The following RORA variants were observed in gnomAD, a reference collection of about 807,000 sequenced individuals.
The protein encoded by RORA is RAR related orphan receptor A.
In RORA, 7 loss-of-function variants were observed where a neutral mutation model predicts 69.5. The observed-to-expected ratio is 0.10, with a 90% CI of 0.06 to 0.19. The LOEUF is 0.19. RORA is among the 10% of genes least tolerant of loss of function. The pLI is 1.00. For synonymous variants in RORA, 261 were observed against 240.8 expected, an observed-to-expected ratio of 1.08 and a Z score of -0.78; for missense variants, 457 against 663.0, an observed-to-expected ratio of 0.69 and a Z score of 3.41.
intron 1 of RORA, among the ~76,000 whole-genome samples, chr15:61,181,680 C>CAAAAAAAAAAA (rs749054081): frequency 3.5e-5 from 2 of 57,764 alleles, no homozygotes; most frequent in Non-Finnish European, 7.3e-5. Context: ...TTAGCTTTGG[C>CAAAAAAAAAAA]AAAAAAAAAA....
intron 1 of RORA, among the ~76,000 whole-genome samples, chr15:60,737,910 T>C (rs922249312): frequency 6.6e-6 from 1 of 152,240 alleles, no homozygotes; most frequent in Non-Finnish European, 1.5e-5. Flanking sequence ...GTGACAGCCG[T>C]CCACTTTTAT....
intron 1 of RORA, among the ~76,000 whole-genome samples, chr15:60,819,881 G>A (rs1039636101): frequency 6.6e-6 from 1 of 152,132 alleles, no homozygotes; most frequent in African/African-American, 2.4e-5. Context: ...AGGCAAGAGG[G>A]AGGCTCCTTA....
intron 1 of RORA, among the ~76,000 whole-genome samples, chr15:61,196,615 CAGTT>C (rs959521311): frequency 1.2e-4 from 19 of 152,372 alleles, no homozygotes; most frequent in African/African-American, 3.8e-4. Flanking sequence ...CACTACGACT[CAGTT>C]AGCCATAATA....
Position 60,494,652 on chromosome 15 carries a change from T to C in RORA, c.*2803A>G, listed in dbSNP as rs899480339. The stretch of plus-strand genomic sequence containing the variant: ...CAAATAGTAGTCAGTTGTTTCCTTG[T>C]TTCATGGAGCATGTCTCTGTCTACA... On this transcript the variant is annotated 3_prime_UTR_variant, in exon 11 of 11. Coordinates refer to ENST00000335670, the MANE Select transcript of RORA (RefSeq NM_134261.3). The C allele has an allele frequency of 6.6e-6, 1 of 152,244 alleles. No individual in the cohort carries two copies. The highest frequency in any genetic ancestry group is 2.4e-5 in the African/African-American group (1 of 41,470). The allele number at this position is 152,244 out of a possible 1,614,324, so 9.4% of individuals were successfully genotyped here. A position where few individuals can be genotyped will look rare whatever the true frequency, so the allele number is the denominator to read the frequency against.
intron 1 of RORA, among the ~76,000 whole-genome samples, chr15:60,968,555 G>A (rs1047477879): frequency 6.6e-6 from 1 of 152,178 alleles, no homozygotes; most frequent in African/African-American, 2.4e-5. Flanking sequence ...CTCCTCTCTG[G>A]AGTTTGTGAT....
At chr15:60,833,870 C>T (rs1035845006) in intron 1 of RORA, among the ~76,000 whole-genome samples, 5 of 152,154 alleles carry the variant, frequency 3.3e-5, no homozygotes, top group African/African-American at 1.2e-4. Context: ...CCTTGGATGT[C>T]AGTTTCCTCA....
chr15:60,750,299 G>A (rs2071705601), intron 1 of RORA, among the ~76,000 whole-genome samples: 1 of 152,230 alleles, frequency 6.6e-6, no homozygotes, highest in Non-Finnish European at 1.5e-5. Context: ...CATGCCACTG[G>A]TCTCCTCAAT....
chr15:60,684,256 T>C (rs2070703534), intron 1 of RORA, among the ~76,000 whole-genome samples: 1 of 144,598 alleles, frequency 6.9e-6, no homozygotes, highest in South Asian at 2.2e-4. Flanking sequence ...TTGTCCTCTT[T>C]TGCAACGAGA....
chr15:60,902,323 A>C (rs923188860), intron 1 of RORA, among the ~76,000 whole-genome samples: 5 of 152,038 alleles, frequency 3.3e-5, no homozygotes, highest in African/African-American at 7.2e-5. Context: ...AAAGCTTACC[A>C]GGTGATCCTT....
intron 1 of RORA, among the ~76,000 whole-genome samples, chr15:61,113,054 C>T: frequency 6.6e-6 from 1 of 152,326 alleles, no homozygotes; most frequent in East Asian, 1.9e-4. Context: ...CACAGCCCAG[C>T]CTTGCTGCAG....
chr15:60,753,472 A>G (rs191892394), intron 1 of RORA, among the ~76,000 whole-genome samples: 386 of 152,386 alleles, frequency 2.5e-3, no homozygotes, highest in Non-Finnish European at 3.8e-3. Flanking sequence ...AAAAACAGCC[A>G]GTGTGCTCTG....
chr15:60,506,472 C>G (rs1251824696), intron 5 of RORA, among the ~76,000 whole-genome samples: 2 of 152,110 alleles, frequency 1.3e-5, no homozygotes, highest in African/African-American at 4.8e-5. Context: ...TATGAACACA[C>G]TGGAAGGACA....
chr15:61,056,189 T>C (rs1377376414), intron 1 of RORA, among the ~76,000 whole-genome samples: 1 of 152,224 alleles, frequency 6.6e-6, no homozygotes, highest in African/African-American at 2.4e-5. Flanking sequence ...GCACCCGTTT[T>C]GGAGTGTGCG....
chr15:60,494,984 G>A lies in RORA; in HGVS notation c.*2471C>T, dbSNP rs377644114. The A allele has an allele frequency of 6.6e-5, 10 of 152,088 alleles. No individual in the cohort carries two copies. The highest frequency in any genetic ancestry group is 3.8e-4 in the East Asian group (2 of 5,202). The allele number at this position is 152,088 out of a possible 1,614,324, so 9.4% of individuals were successfully genotyped here. On this transcript the variant is annotated 3_prime_UTR_variant, in exon 11 of 11. Coordinates refer to ENST00000335670, the MANE Select transcript of RORA (RefSeq NM_134261.3). ...ATTAGGTTTAGTTGCTCTTTAATGC[G>A]CTAGCACCTGAGGCTGGTCATATTC... is the stretch of plus-strand genomic sequence containing the variant.
At position 60,921,337 on chromosome 15, in the gene RORA, A is replaced by G. The variant is rs79581464; in HGVS notation, c.167-242651T>C. ...TGGCACATTTCTACCGTGGAACACT[A>G]CATAGCAATGAAAAGGAAAGACCCA... is the stretch of plus-strand genomic sequence containing the variant. On this transcript the variant is annotated intron_variant, in intron 1 of 10. Coordinates refer to ENST00000335670, the MANE Select transcript of RORA (RefSeq NM_134261.3). 8.3e-3 allele frequency among the ~76,000 whole-genome samples: 1,271 copies of G among 152,374 alleles called. 12 individuals carry two copies. The highest frequency in any genetic ancestry group is 0.029 in the African/African-American group (1,197 of 41,586).
chr15:60,562,312 T>A (rs1403519128), intron 2 of RORA, among the ~76,000 whole-genome samples: 1 of 152,166 alleles, frequency 6.6e-6, no homozygotes, highest in Non-Finnish European at 1.5e-5. Flanking sequence ...CATAGCTAAC[T>A]GCAGCCTTGA....
chr15:60,886,423 G>A (rs566073284), intron 1 of RORA, among the ~76,000 whole-genome samples: 13 of 152,260 alleles, frequency 8.5e-5, no homozygotes, highest in South Asian at 8.3e-4. Flanking sequence ...ACACTGCAAC[G>A]TCTTTTGCCT....
At chr15:60,909,823 G>A (rs1425880346) in intron 1 of RORA, among the ~76,000 whole-genome samples, 3 of 152,188 alleles carry the variant, frequency 2.0e-5, no homozygotes, top group Admixed American at 1.3e-4. Context: ...GATTGAGAAC[G>A]CCTACCTATT....
intron 1 of RORA, among the ~76,000 whole-genome samples, chr15:60,688,145 G>A (rs536713522): frequency 1.3e-5 from 2 of 151,982 alleles, no homozygotes; most frequent in South Asian, 2.1e-4. Flanking sequence ...AATGGAAGGC[G>A]CTACCATCAT....
Sources: gnomAD v4.1 joint callset for allele counts (sites outside exome capture counted in the v4.1 genomes callset) on GRCh38, gnomAD v4.1.1 for gene constraint, MANE v1.5 for transcripts, NCBI Gene and HGNC (gene_info 2026-07-23, HGNC 2026-07-21) for gene names.